Variants in MACROD1 observed in about 807,000 individuals in gnomAD.
The protein encoded by MACROD1 is mono-ADP ribosylhydrolase 1, also known as ADP-ribose glycohydrolase MACROD1.
MACROD1 carries 31 observed loss-of-function variants against 41.4 expected under a neutral mutation model. That is an observed-to-expected ratio of 0.75 (90% CI 0.56 to 1.01). The LOEUF (loss-of-function observed/expected upper bound fraction) is 1.01, where lower values mean the gene tolerates loss of function less well. MACROD1 is among the 50% of genes least tolerant of loss of function. MACROD1 has a pLI of 0.00. For missense variants in MACROD1, 473 were observed against 460.0 expected (o/e 1.03, Z -0.26); for synonymous variants, 252 against 203.4 (o/e 1.24, Z -2.03).
intron 3 of MACROD1, among the ~76,000 whole-genome samples, chr11:64,022,513 C>G (rs1943171042): frequency 6.6e-6 from 1 of 152,174 alleles, no homozygotes; most frequent in Non-Finnish European, 1.5e-5. Context: ...AATCGATGCC[C>G]CACTTCCTGC....
In MACROD1 at chr11:64,027,966, G is replaced by A. The variant is rs1190380633; in HGVS notation, c.518-12685C>T. Among the ~76,000 whole-genome samples the A allele has an allele frequency of 1.3e-5, 2 of 152,258 alleles. 1 individual carries two copies. ...TCTCAGTAAAGACAGAGGAAAGGCA[G>A]CAGCCACTTGCTGCGCAGGGAATCT... On this transcript the variant is annotated intron_variant, in intron 3 of 10. Transcript: ENST00000255681.
intron 4 of MACROD1, among the ~76,000 whole-genome samples, chr11:64,004,196 T>C (rs1315591908): frequency 6.6e-6 from 1 of 151,942 alleles, no homozygotes; most frequent in African/African-American, 2.4e-5. Flanking sequence ...GCGCCTCCCA[T>C]GGAAGGATGT....
intron 3 of MACROD1, among the ~76,000 whole-genome samples, chr11:64,133,717 T>C (rs1026665398): frequency 6.6e-6 from 1 of 152,132 alleles, no homozygotes; most frequent in African/African-American, 2.4e-5. Flanking sequence ...TCAGACAGGT[T>C]TTCCCCTGGG....
At chr11:64,024,594 C>G (rs890428562) in intron 3 of MACROD1, among the ~76,000 whole-genome samples, 1 of 152,250 alleles carries the variant, frequency 6.6e-6, no homozygotes, top group African/African-American at 2.4e-5. Context: ...ATTAGCATAA[C>G]CATAAGCATC....
At chr11:64,131,032 G>T (rs1017556985) in intron 3 of MACROD1, among the ~76,000 whole-genome samples, 1 of 152,268 alleles carries the variant, frequency 6.6e-6, no homozygotes, top group Non-Finnish European at 1.5e-5. Flanking sequence ...TGTTTCAGGT[G>T]TTAAGTAATT....
At position 64,146,834 on chromosome 11, in the gene MACROD1, C is replaced by A. The variant is rs549451909; in HGVS notation, c.517+4405G>T. On this transcript the variant is annotated intron_variant, in intron 3 of 10. Transcript: ENST00000255681. The surrounding 1 kb of genome is among the most constrained non-coding windows in gnomAD (Gnocchi z 4.7). The stretch of plus-strand genomic sequence containing the variant: ...CACATAGGCCAAACTCCTGACCTCA[C>A]ACACACACTCTATCACACACACCCC... Among the ~76,000 whole-genome samples, 1 of 150,092 alleles carries A rather than the reference C, an allele frequency of 6.7e-6. No individual in the cohort carries two copies. Among genetic ancestry groups the A allele is most frequent in the Non-Finnish European group, 1.5e-5 (1 of 66,956 alleles).
chr11:64,023,386 G>C (rs1477157822), intron 3 of MACROD1, among the ~76,000 whole-genome samples: 2 of 152,128 alleles, frequency 1.3e-5, no homozygotes, highest in Non-Finnish European at 2.9e-5. Flanking sequence ...TGTAGGGGGG[G>C]TGATCATTTA....
chr11:64,095,977 C>G lies in MACROD1; in HGVS notation c.517+55262G>C, dbSNP rs576196856. On this transcript the variant is annotated intron_variant, in intron 3 of 10. Coordinates refer to ENST00000255681, the MANE Select transcript of MACROD1 (RefSeq NM_014067.4). ...GGGGAGTCTCCAGCAGTGGTCCCCC[C>G]ACCCCCCAGGGGCCCATGAGCCTGC... is the stretch of plus-strand genomic sequence containing the variant. Among the ~76,000 whole-genome samples the G allele has an allele frequency of 1.5e-4, 5 of 34,368 alleles. No individual in the cohort carries two copies. The Admixed American group carries it at 1.5e-3, about 10-fold the overall frequency. 22.5% of individuals were successfully genotyped at this position (34,368 alleles called of 152,430 possible). A position where few individuals can be genotyped will look rare whatever the true frequency, so the allele number is the denominator to read the frequency against.
chr11:64,111,493 G>T (rs902169519), intron 3 of MACROD1, among the ~76,000 whole-genome samples: 1 of 152,176 alleles, frequency 6.6e-6, no homozygotes, highest in Non-Finnish European at 1.5e-5. Flanking sequence ...TAACCTTCAC[G>T]AGCCTGGCTC....
intron 3 of MACROD1, among the ~76,000 whole-genome samples, chr11:64,130,266 C>T (rs1237286310): frequency 1.3e-5 from 2 of 152,202 alleles, no homozygotes; most frequent in Non-Finnish European, 2.9e-5. Context: ...CCCGGGGCTC[C>T]GGCTTTGTGT....
intron 3 of MACROD1, chr11:64,116,754 G>A (rs776450353): frequency 5.6e-6 from 9 of 1,613,438 alleles, no homozygotes; most frequent in Admixed American, 3.3e-5. Context: ...TGACAACTCC[G>A]TGTCCACCGT....
chr11:64,065,518 G>A (rs190240944), intron 3 of MACROD1, among the ~76,000 whole-genome samples: 11 of 152,274 alleles, frequency 7.2e-5, no homozygotes, highest in East Asian at 1.9e-4. Context: ...GGCCAGGCGC[G>A]GTGGCTCATG....
chr11:64,104,883 G>C (rs1944731635), intron 3 of MACROD1, among the ~76,000 whole-genome samples: 1 of 152,188 alleles, frequency 6.6e-6, no homozygotes, highest in Non-Finnish European at 1.5e-5. Flanking sequence ...ATCCCAGGAG[G>C]CCAGAGGGAG....
chr11:64,064,843 CTCATTCAT>C lies in MACROD1; in HGVS notation c.518-49570_518-49563del, dbSNP rs71045731. Among the ~76,000 whole-genome samples the C allele has an allele frequency of 1.2e-3, 185 of 150,446 alleles. No homozygotes were observed. The highest frequency in any genetic ancestry group is 6.3e-3 in the Admixed American group (95 of 15,114). On this transcript the variant is annotated intron_variant, in intron 3 of 10. Coordinates refer to ENST00000255681, the MANE Select transcript of MACROD1 (RefSeq NM_014067.4). This position sits in a 1 kb window ranked among gnomAD's most constrained non-coding sequence, Gnocchi z 4.5. ...CAAGAGGCTAGAGTTTCACAAGGAC[CTCATTCAT>C]TCATTCATTCATTCATTCATTCATT...
intron 3 of MACROD1, among the ~76,000 whole-genome samples, chr11:64,141,103 C>A (rs1290628650): frequency 2.0e-5 from 3 of 152,204 alleles, no homozygotes; most frequent in Non-Finnish European, 4.4e-5. Flanking sequence ...CCAGTGTACT[C>A]CAGCCTGGGT....
intron 3 of MACROD1, among the ~76,000 whole-genome samples, chr11:64,049,760 T>TTTGTGAAATGGGCGCCAG: frequency 6.6e-6 from 1 of 152,312 alleles, no homozygotes; most frequent in South Asian, 2.1e-4. Flanking sequence ...GGTTTCTCCA[T>TTTGTGAAATGGGCGCCAG]CTGTGAAATG....
intron 3 of MACROD1, among the ~76,000 whole-genome samples, chr11:64,022,325 G>C (rs555148495): frequency 6.6e-6 from 1 of 152,014 alleles, no homozygotes; most frequent in Non-Finnish European, 1.5e-5. Flanking sequence ...AGCCTCCTTG[G>C]TGCTCCCACA....
intron 4 of MACROD1, among the ~76,000 whole-genome samples, chr11:64,013,392 G>A (rs528665112): frequency 2.8e-4 from 43 of 152,354 alleles, no homozygotes; most frequent in Non-Finnish European, 4.4e-4. Context: ...CGGAGCAGCC[G>A]CGTGGACAAC....
At chr11:64,058,433 C>T (rs977207099) in intron 3 of MACROD1, among the ~76,000 whole-genome samples, 1 of 152,258 alleles carries the variant, frequency 6.6e-6, no homozygotes, top group African/African-American at 2.4e-5. Flanking sequence ...TATGCCAGGC[C>T]TGACGAGGGG....
Sources: allele counts gnomAD v4.1 joint callset (sites outside exome capture counted in the v4.1 genomes callset), GRCh38; gene constraint gnomAD v4.1.1; non-coding constraint Gnocchi (gnomAD v3.1); transcripts MANE v1.5; gene names NCBI Gene and HGNC (gene_info 2026-07-23, HGNC 2026-07-21).